GLG1: variants seen among roughly 807,000 people sequenced by gnomAD.
The protein encoded by GLG1 is Golgi apparatus protein 1.
Under a neutral mutation model 160.5 loss-of-function variants are expected in GLG1, and 38 were observed. The ratio of observed to expected loss-of-function variants is 0.24; its 90% CI spans 0.18 to 0.31. GLG1 has a LOEUF of 0.31. Among genes scored for constraint, GLG1 ranks in the 10% least tolerant of loss-of-function variants. The pLI is 1.00. For synonymous variants in GLG1, 644 were observed against 543.4 expected (o/e 1.19, Z -2.57); for missense variants, 1,373 against 1,505.2 (o/e 0.91, Z 1.45).
intron 1 of GLG1, among the ~76,000 whole-genome samples, chr16:74,534,273 T>C (rs2017625129): frequency 6.6e-6 from 1 of 152,058 alleles, no homozygotes; most frequent in African/African-American, 2.4e-5. Context: ...ACCACCTCAA[T>C]CTGAAGTTTA....
chr16:74,484,763 C>CTAAAAA (rs376295806), intron 9 of GLG1, among the ~76,000 whole-genome samples: 1 of 152,020 alleles, frequency 6.6e-6, no homozygotes, highest in African/African-American at 2.4e-5. Flanking sequence ...AAGATTCTGT[C>CTAAAAA]TAAAAATAAA....
chr16:74,472,078 CTAT>C (rs2015227762), intron 14 of GLG1, among the ~76,000 whole-genome samples: 1 of 152,000 alleles, frequency 6.6e-6, no homozygotes, highest in Non-Finnish European at 1.5e-5. Flanking sequence ...CTAATTTTTT[CTAT>C]TTTTTGTAGA....
At chr16:74,527,380 G>A (rs2017373441) in intron 2 of GLG1, among the ~76,000 whole-genome samples, 1 of 150,824 alleles carries the variant, frequency 6.6e-6, no homozygotes, top group African/African-American at 2.4e-5. Flanking sequence ...CTCCTGAGTA[G>A]CTGGGATTAC....
intron 8 of GLG1, among the ~76,000 whole-genome samples, chr16:74,489,720 G>C (rs1392517780): frequency 6.6e-6 from 1 of 152,168 alleles, no homozygotes; most frequent in Non-Finnish European, 1.5e-5. Context: ...TTTTAAAGAA[G>C]TTACATTTGT....
intron 1 of GLG1, among the ~76,000 whole-genome samples, chr16:74,565,379 T>C (rs1216701212): frequency 6.6e-6 from 1 of 152,148 alleles, no homozygotes; most frequent in African/African-American, 2.4e-5. Context: ...AAGAGGGGAA[T>C]TGTTAAAGTT....
intron 1 of GLG1, among the ~76,000 whole-genome samples, chr16:74,583,641 A>G (rs1290566120): frequency 6.6e-6 from 1 of 152,116 alleles, no homozygotes; most frequent in Non-Finnish European, 1.5e-5. Flanking sequence ...CAGCCTCCCA[A>G]AGTGCTGGGA....
chr16:74,573,143 G>A (rs2018884208), intron 1 of GLG1, among the ~76,000 whole-genome samples: 1 of 152,066 alleles, frequency 6.6e-6, no homozygotes, highest in African/African-American at 2.4e-5. Flanking sequence ...ATAGATAATT[G>A]ACACATAAGC....
At chr16:74,571,335 C>G (rs1305771428) in intron 1 of GLG1, among the ~76,000 whole-genome samples, 2 of 152,184 alleles carry the variant, frequency 1.3e-5, no homozygotes, top group Non-Finnish European at 2.9e-5. Context: ...GCCCAAAAAT[C>G]TGACCCACAG....
intron 25 of GLG1, among the ~76,000 whole-genome samples, chr16:74,453,981 C>T (rs1490563167): frequency 2.0e-5 from 3 of 151,130 alleles, no homozygotes; most frequent in Admixed American, 2.0e-4. Context: ...AAGCGATTCT[C>T]CTCCCTCACC....
At chr16:74,470,128 G>A (rs1298301900) in intron 15 of GLG1, 55 bp from the exon 16 acceptor site, 3 of 1,023,478 alleles carry the variant, frequency 2.9e-6, no homozygotes, top group Admixed American at 3.4e-5. Flanking sequence ...GTGGTCAGTA[G>A]TGGTAGGGCG....
chr16:74,475,667 T>C (rs1053229274), intron 12 of GLG1, among the ~76,000 whole-genome samples: 3 of 152,226 alleles, frequency 2.0e-5, no homozygotes, highest in Non-Finnish European at 4.4e-5. Context: ...TCACAAAGCA[T>C]ATCAACAGCT....
intron 2 of GLG1, among the ~76,000 whole-genome samples, chr16:74,514,174 T>C (rs999187738): frequency 1.3e-5 from 2 of 152,298 alleles, no homozygotes; most frequent in East Asian, 3.9e-4. Flanking sequence ...TTGGTATACC[T>C]GAAAGTGACA....
At chr16:74,542,708 G>GGAA (rs1408523256) in intron 1 of GLG1, among the ~76,000 whole-genome samples, 9 of 49,926 alleles carry the variant, frequency 1.8e-4, no homozygotes, top group East Asian at 6.6e-4. Context: ...GAGGGAGGAA[G>GGAA]GGAAGAAGGG....
chr16:74,490,069 G>A (rs1047970479), intron 8 of GLG1, among the ~76,000 whole-genome samples: 1 of 152,180 alleles, frequency 6.6e-6, no homozygotes, highest in Non-Finnish European at 1.5e-5. Flanking sequence ...ACTATTCTAG[G>A]ATATAAAGCG....
intron 2 of GLG1, among the ~76,000 whole-genome samples, chr16:74,531,256 G>C (rs1474706847): frequency 1.3e-5 from 2 of 152,024 alleles, no homozygotes; most frequent in African/African-American, 4.8e-5. Flanking sequence ...TCTATAATGT[G>C]ATAGAGTGAC....
chr16:74,584,630 C>T (rs923627707), intron 1 of GLG1, among the ~76,000 whole-genome samples: 8 of 151,834 alleles, frequency 5.3e-5, no homozygotes, highest in Admixed American at 2.6e-4. Context: ...AAAAACCACA[C>T]ACTGGGGGCT....
chr16:74,508,950 A>C (rs753247737), intron 2 of GLG1, 25 bp from the exon 3 acceptor site: 11 of 921,022 alleles, frequency 1.2e-5, no homozygotes, highest in Non-Finnish European at 1.9e-5. Flanking sequence ...AAAAAAAAAA[A>C]CAAAGAAAAA....
intron 19 of GLG1, among the ~76,000 whole-genome samples, chr16:74,464,483 C>T (rs2039492587): frequency 6.6e-6 from 1 of 152,196 alleles, no homozygotes. Context: ...TCTGCTAATC[C>T]GCAAGTCTTC....
intron 1 of GLG1, among the ~76,000 whole-genome samples, chr16:74,603,089 C>G (rs1958480346): frequency 7.5e-6 from 1 of 133,670 alleles, no homozygotes; most frequent in Non-Finnish European, 1.7e-5. Flanking sequence ...GACTTCGTCT[C>G]AAACAACAAC....
Sources: gnomAD v4.1 joint callset for allele counts (sites outside exome capture counted in the v4.1 genomes callset) on GRCh38, gnomAD v4.1.1 for gene constraint, MANE v1.5 for transcripts, NCBI Gene and HGNC (gene_info 2026-07-23, HGNC 2026-07-21) for gene names.